ATF6B: variants seen among roughly 807,000 people sequenced by gnomAD.
ATF6B encodes the protein cyclic AMP-dependent transcription factor ATF-6 beta.
In ATF6B, 50 loss-of-function variants were observed where a neutral mutation model predicts 83.5. That is an observed-to-expected ratio of 0.60 (90% CI 0.48 to 0.76). ATF6B has a LOEUF of 0.76. ATF6B is among the 30% of genes least tolerant of loss of function. ATF6B has a pLI of 0.00. For missense variants in ATF6B, 790 were observed against 893.8 expected (o/e 0.88, Z 1.48); for synonymous variants, 344 against 362.8 (o/e 0.95, Z 0.59).
intron 1 of ATF6B, 58 bp downstream of exon 1, chr6:32,128,059 T>C: frequency 6.3e-7 from 1 of 1,597,124 alleles, no homozygotes; most frequent in Non-Finnish European, 8.6e-7. Context: ...CCCCCGCTTC[T>C]TTCCCGCGTG....
chr6:32,121,341 C>T lies in ATF6B; in HGVS notation c.486G>A (p.Gln162=), dbSNP rs1484107697. ...ATGGAGAGACAGGTTCTATCTTGGTCTGGACATCTGTGGGAGGCAGGATGA... is the reference window on the plus strand; with the variant it reads ...ATGGAGAGACAGGTTCTATCTTGGTTTGGACATCTGTGGGAGGCAGGATGA... ...IPTSDDSSDV[Q]TKIEPVSPCS... is the part of the protein sequence containing the mutation. The change falls in exon 6 of 18, where the codon CAG becomes CAA. Residue 162 remains glutamine (Q), a synonymous_variant. Transcript: ENST00000375203. 3 of 1,613,822 alleles carry T rather than the reference C, an allele frequency of 1.9e-6. No homozygotes were observed. In the African/African-American group the frequency reaches 4.0e-5, roughly 22 times the overall value.
At position 32,116,343 on chromosome 6, in the gene ATF6B, C is replaced by T; in HGVS notation, c.1882+137G>A. ...AGTCTCCTGCATGGTGCTCTTCCCT[C>T]CACCTACTTCCTGCTGCTTCTCACC... On this transcript the variant is annotated intron_variant, in intron 17 of 17. Transcript: ENST00000375203. The surrounding 1 kb of genome is among the most constrained non-coding windows in gnomAD (Gnocchi z 5.1). 1 of 803,522 alleles carries T rather than the reference C, an allele frequency of 1.2e-6. No individual in the cohort carries two copies. The highest frequency in any genetic ancestry group is 2.0e-6 in the Non-Finnish European group (1 of 511,418). The allele number at this position is 803,522 out of a possible 1,614,324, so 49.8% of individuals were successfully genotyped here.
rs764609148 is a variant in ATF6B at position 32,118,822 on chromosome 6, G to A, written c.1197C>T (p.Cys399=). 12 of 1,614,270 alleles carry A rather than the reference G, an allele frequency of 7.4e-6. No homozygotes were observed. Among genetic ancestry groups the A allele is most frequent in the Non-Finnish European group, 5.9e-6 (7 of 1,180,048 alleles). ...KLGSGNRKVV[C]IMVFLLFIAF... ...CAATGAAGAGAAGGAAGACCATGATGCAGACCACCTTCCTGTTTCCAGACC... is the reference window on the plus strand; with the variant it reads ...CAATGAAGAGAAGGAAGACCATGATACAGACCACCTTCCTGTTTCCAGACC... The change falls in exon 11 of 18, where the codon TGC becomes TGT. Residue 399 remains cysteine, a synonymous_variant. Coordinates refer to ENST00000375203, the MANE Select transcript of ATF6B (RefSeq NM_004381.5). This position sits in a 1 kb window ranked among gnomAD's most constrained non-coding sequence, Gnocchi z 5.2.
chr6:32,117,978 G>A lies in ATF6B; in HGVS notation c.1305C>T (p.Pro435=). ...SPRMNKGEPQ[P]RRHLLGFSEQ... ...CTGAGAACCCCAGCAAGTGTCTCCG[G>A]GGTTGAGGCTCCCCCTTGTTCATCC... Residue 435 remains proline (P), a synonymous_variant, in exon 12 of 18, where the codon CCC becomes CCT. Transcript: ENST00000375203. This position sits in a 1 kb window ranked among gnomAD's most constrained non-coding sequence, Gnocchi z 5.0. The A allele has an allele frequency of 6.2e-7, 1 of 1,614,062 alleles. No homozygotes were observed. Among genetic ancestry groups the A allele is most frequent in the South Asian group, 1.1e-5 (1 of 91,074 alleles).
At position 32,118,955 on chromosome 6, in the gene ATF6B, C is replaced by G; in HGVS notation, c.1152+1G>C. 6.2e-7 allele frequency: 1 copy of G among 1,613,968 alleles called. No homozygotes were observed. Among genetic ancestry groups the G allele is most frequent in the Non-Finnish European group, 8.5e-7 (1 of 1,179,820 alleles). On this transcript the variant is annotated splice_donor_variant, in intron 10 of 17. Coordinates refer to ENST00000375203, the MANE Select transcript of ATF6B (RefSeq NM_004381.5). LOFTEE classifies it high-confidence loss of function. The surrounding 1 kb of genome is among the most constrained non-coding windows in gnomAD (Gnocchi z 5.2). Reference sequence around the variant, plus strand: ...GTCTCCCAGGGACAGACTGGTCTTACTTCAGCCAGCAGGGCCTCCAGCCGC... The same window carrying G: ...GTCTCCCAGGGACAGACTGGTCTTAGTTCAGCCAGCAGGGCCTCCAGCCGC...
intron 5 of ATF6B, 72 bp downstream of exon 5, chr6:32,126,045 A>G: frequency 6.4e-7 from 1 of 1,574,646 alleles, no homozygotes; most frequent in Non-Finnish European, 8.7e-7. Context: ...CTCCATCTAC[A>G]CACATACACA....
At chr6:32,126,989 C>T (rs1782005887) in intron 4 of ATF6B, 114 bp downstream of exon 4, 2 of 897,086 alleles carry the variant, frequency 2.2e-6, no homozygotes, top group Admixed American at 3.7e-5. Flanking sequence ...ACACCTCACA[C>T]ACCTCATGAC....
chr6:32,118,135 A>T lies in ATF6B; in HGVS notation c.1245-97T>A. The T allele has an allele frequency of 6.9e-7, 1 of 1,442,806 alleles. No individual in the cohort carries two copies. The highest frequency in any genetic ancestry group is 1.2e-5 in the South Asian group (1 of 84,890). The allele number at this position is 1,442,806 out of a possible 1,614,324, so 89.4% of individuals were successfully genotyped here. A position where few individuals can be genotyped will look rare whatever the true frequency, so the allele number is the denominator to read the frequency against. On this transcript the variant is annotated intron_variant, in intron 11 of 17. Coordinates refer to ENST00000375203, the MANE Select transcript of ATF6B (RefSeq NM_004381.5). This position sits in a 1 kb window ranked among gnomAD's most constrained non-coding sequence, Gnocchi z 5.2. ...TCTGCAGATGGACTGCTTGAGTTGC[A>T]ATCTGTTATACAAGCCTGAGTCTGC...
In ATF6B at chr6:32,123,470, G is replaced by C. The variant is rs577126795; in HGVS notation, c.479-2122C>G. ...AGTGGGCGATCTCGGCTCACTGCAA[G>C]CTCCGCCTCCCGGGTTCACCCCATT... On this transcript the variant is annotated intron_variant, in intron 5 of 17. Transcript: ENST00000375203. Among the ~76,000 whole-genome samples the C allele has an allele frequency of 1.4e-4, 22 of 152,116 alleles. No homozygotes were observed. In the South Asian group the frequency reaches 4.1e-3, roughly 29 times the overall value.
At position 32,126,096 on chromosome 6, in the gene ATF6B, G is replaced by C; in HGVS notation, c.478+21C>G. ...TTCTCCCGTAGTAGAGCCAAGGATT[G>C]GGGGCAGGCTGTTTTATTACCTGAG... On this transcript the variant is annotated intron_variant, in intron 5 of 17. Coordinates refer to ENST00000375203, the MANE Select transcript of ATF6B (RefSeq NM_004381.5). 3.1e-6 allele frequency: 5 copies of C among 1,613,856 alleles called. No homozygotes were observed. In the East Asian group the frequency reaches 1.1e-4, roughly 36 times the overall value.
chr6:32,117,341 C>G lies in ATF6B; in HGVS notation c.1596G>C (p.Gln532His). ...GCCCTACCTGTCTCTCCTGGGCCCT[C>G]TGAGGGATCTTCCTCCGGCCTCTCT... ...RHQRGRRKIP[Q>H]RAQERQKSQP... Residue 532 changes from glutamine to histidine, a missense_variant, in exon 14 of 18, where the codon CAG becomes CAC. By Grantham distance (24) the Gln-to-His change is conservative. Coordinates refer to ENST00000375203, the MANE Select transcript of ATF6B (RefSeq NM_004381.5). This position sits in a 1 kb window ranked among gnomAD's most constrained non-coding sequence, Gnocchi z 5.0. 6.2e-7 allele frequency: 1 copy of G among 1,614,030 alleles called. No homozygotes were observed. Among genetic ancestry groups the G allele is most frequent in the Non-Finnish European group, 8.5e-7 (1 of 1,179,932 alleles).
intron 5 of ATF6B, among the ~76,000 whole-genome samples, chr6:32,121,896 C>A (rs1297662430): frequency 6.6e-6 from 1 of 152,148 alleles, no homozygotes; most frequent in Non-Finnish European, 1.5e-5. Flanking sequence ...TTTTTCTCAT[C>A]CCTGCTCCAT....
At chr6:32,121,775 G>A (rs889354744) in intron 5 of ATF6B, among the ~76,000 whole-genome samples, 12 of 152,064 alleles carry the variant, frequency 7.9e-5, no homozygotes, top group African/African-American at 2.9e-4. Flanking sequence ...AACTCTTCTG[G>A]CCCTAGATTA....
In ATF6B at chr6:32,127,680, C is replaced by CT. The variant is rs771615616; in HGVS notation, c.161dup (p.Asp55GlyfsTer5). ...GCTGGGGACACAATACCGGGACATC[C>CT]TGCTCCGGGCAACGGAAGAGCTGCG... On this transcript the variant is annotated frameshift_variant, in exon 2 of 18. Transcript: ENST00000375203. LOFTEE classifies it high-confidence loss of function. The CT allele has an allele frequency of 6.2e-7, 1 of 1,614,220 alleles. No individual in the cohort carries two copies. The highest frequency in any genetic ancestry group is 8.5e-7 in the Non-Finnish European group (1 of 1,180,034).
rs1451836839 is a variant in ATF6B, at chr6:32,125,501, C to A, written c.478+616G>T. On this transcript the variant is annotated intron_variant, in intron 5 of 17. Coordinates refer to ENST00000375203, the MANE Select transcript of ATF6B (RefSeq NM_004381.5). This position sits in a 1 kb window ranked among gnomAD's most constrained non-coding sequence, Gnocchi z 4.1. ...TATGGGCTGGGCGCGATGGCTCACGCCTGTAATCTCAGCACTTTGGGAGGC... is the reference window on the plus strand; with the variant it reads ...TATGGGCTGGGCGCGATGGCTCACGACTGTAATCTCAGCACTTTGGGAGGC... 6.6e-6 allele frequency among the ~76,000 whole-genome samples: 1 copy of A among 152,148 alleles called. No individual in the cohort carries two copies. Among genetic ancestry groups the A allele is most frequent in the African/African-American group, 2.4e-5 (1 of 41,418 alleles).
In ATF6B at chr6:32,117,825, C is replaced by A; in HGVS notation, c.1424+34G>T. ...CGGGGAGAAGACCAACTCATACCCTCAAACGAGAGGGGGCCCTCTCTCTCT... is the reference window on the plus strand; with the variant it reads ...CGGGGAGAAGACCAACTCATACCCTAAAACGAGAGGGGGCCCTCTCTCTCT... On this transcript the variant is annotated intron_variant, in intron 12 of 17. Coordinates refer to ENST00000375203, the MANE Select transcript of ATF6B (RefSeq NM_004381.5). The surrounding 1 kb of genome is among the most constrained non-coding windows in gnomAD (Gnocchi z 5.0). 1 of 1,555,038 alleles carries A rather than the reference C, an allele frequency of 6.4e-7. No individual in the cohort carries two copies. Among genetic ancestry groups the A allele is most frequent in the East Asian group, 2.3e-5 (1 of 44,180 alleles).
At position 32,116,461 on chromosome 6, in the gene ATF6B, C is replaced by T. The variant is rs1395022577; in HGVS notation, c.1882+19G>A. The T allele has an allele frequency of 6.2e-7, 1 of 1,606,646 alleles. No individual in the cohort carries two copies. Among genetic ancestry groups the T allele is most frequent in the Admixed American group, 1.7e-5 (1 of 59,480 alleles). ...CTCCCTGTTGGAACTGCCCCCATAC[C>T]CAGCAGGGAAAGAGTTACCATTGGG... On this transcript the variant is annotated intron_variant, in intron 17 of 17. Coordinates refer to ENST00000375203, the MANE Select transcript of ATF6B (RefSeq NM_004381.5). This position sits in a 1 kb window ranked among gnomAD's most constrained non-coding sequence, Gnocchi z 5.1.
chr6:32,116,948 A>C lies in ATF6B; in HGVS notation c.1685+89T>G. Reference sequence around the variant, plus strand: ...AGGGAGGTATAATCCCACTGGTGACAGTAATGACAGGCACAGGACAGCTAC... The same window carrying C: ...AGGGAGGTATAATCCCACTGGTGACCGTAATGACAGGCACAGGACAGCTAC... On this transcript the variant is annotated intron_variant, in intron 15 of 17. Coordinates refer to ENST00000375203, the MANE Select transcript of ATF6B (RefSeq NM_004381.5). The surrounding 1 kb of genome is among the most constrained non-coding windows in gnomAD (Gnocchi z 5.1). 10 of 1,540,036 alleles carry C rather than the reference A, an allele frequency of 6.5e-6. No individual in the cohort carries two copies. Among genetic ancestry groups the C allele is most frequent in the Non-Finnish European group, 9.0e-6 (10 of 1,115,136 alleles).
Position 32,116,025 on chromosome 6 carries a change from G to A in ATF6B, c.1883-57C>T. On this transcript the variant is annotated intron_variant, in intron 17 of 17. Transcript: ENST00000375203. The surrounding 1 kb of genome is among the most constrained non-coding windows in gnomAD (Gnocchi z 5.1). ...ATGGGGAGGCAAACAGGGATTGCAG[G>A]GAGGAGGGGAGGAGGTCAGAAAAGT... 1 of 1,318,786 alleles carries A rather than the reference G, an allele frequency of 7.6e-7. No homozygotes were observed. The highest frequency in any genetic ancestry group is 1.1e-6 in the Non-Finnish European group (1 of 936,424). 81.7% of individuals were successfully genotyped at this position (1,318,786 alleles called of 1,614,324 possible). A position where few individuals can be genotyped will look rare whatever the true frequency, so the allele number is the denominator to read the frequency against.
Sources: gnomAD v4.1 joint callset for allele counts (sites outside exome capture counted in the v4.1 genomes callset) on GRCh38, gnomAD v4.1.1 for gene constraint, Gnocchi (gnomAD v3.1) non-coding constraint, MANE v1.5 for transcripts, NCBI Gene and HGNC (gene_info 2026-07-23, HGNC 2026-07-21) for gene names.